Variants in KREMEN1 observed in about 807,000 individuals in gnomAD.
The protein encoded by KREMEN1 is kremen protein 1.
A neutral mutation model predicts 46.5 loss-of-function variants in KREMEN1; 30 were observed. That is an observed-to-expected ratio of 0.65 (90% confidence interval 0.48 to 0.88). The LOEUF (loss-of-function observed/expected upper bound fraction) is 0.88. Among genes scored for constraint, KREMEN1 ranks in the 40% least tolerant of loss-of-function variants. KREMEN1 has a pLI of 0.00. For missense variants in KREMEN1, 533 were observed against 596.9 expected, an observed-to-expected ratio of 0.89 and a Z score of 1.11; for synonymous variants, 214 against 230.6, an observed-to-expected ratio of 0.93 and a Z score of 0.65.
chr22:29,140,353 CA>C lies in KREMEN1; in HGVS notation c.1196del (p.His399ProfsTer58). The C allele has an allele frequency of 6.2e-7, 1 of 1,613,152 alleles. No individual in the cohort carries two copies. Among genetic ancestry groups the C allele is most frequent in the Non-Finnish European group, 8.5e-7 (1 of 1,179,072 alleles). On this transcript the variant is annotated frameshift_variant, in exon 8 of 9. Coordinates refer to ENST00000400335, the MANE Select transcript of KREMEN1 (RefSeq NM_001039570.3). LOFTEE classifies it high-confidence loss of function. The part of the protein sequence containing the change: ...VTAIVAKILL[H>X]VTFKSHRVPA... ...AGCCATTGTAGCAAAGATACTTCTG[CA>C]CGTCACATTCAAGTGAGTACAAGAG...
intron 5 of KREMEN1, among the ~76,000 whole-genome samples, chr22:29,134,667 C>A (rs1029176899): frequency 1.3e-5 from 2 of 152,176 alleles, no homozygotes; most frequent in African/African-American, 4.8e-5. Flanking sequence ...TACACCTGGG[C>A]AGATCTGCAT....
Position 29,145,177 on chromosome 22 carries a change from A to G in KREMEN1, c.*3065A>G. 1.0e-6 allele frequency: 1 copy of G among 985,944 alleles called. No individual in the cohort carries two copies. The highest frequency in any genetic ancestry group is 1.2e-6 in the Non-Finnish European group (1 of 830,172). 61.1% of individuals were successfully genotyped at this position (985,944 alleles called of 1,614,324 possible). Reference sequence around the variant, plus strand: ...CACCTGAGAAAGAAACTGCTCCAGAAGAGATGACGTGGGCTTCCAGGAGCA... The same window carrying G: ...CACCTGAGAAAGAAACTGCTCCAGAGGAGATGACGTGGGCTTCCAGGAGCA... On this transcript the variant is annotated 3_prime_UTR_variant, in exon 9 of 9. Transcript: ENST00000400335.
chr22:29,153,384 GCT>G (rs1164878069), intron 9 of KREMEN1, among the ~76,000 whole-genome samples: 4 of 152,098 alleles, frequency 2.6e-5, no homozygotes, highest in Non-Finnish European at 5.9e-5. Context: ...AGATGGAGTC[GCT>G]CTGTTTCCAT....
At chr22:29,131,770 A>ATATACG (rs775843720) in intron 5 of KREMEN1, among the ~76,000 whole-genome samples, 2 of 129,214 alleles carry the variant, frequency 1.5e-5, no homozygotes, top group African/African-American at 7.2e-5. Flanking sequence ...ATATATATGT[A>ATATACG]TATATATATA....
In KREMEN1 at chr22:29,142,058, G is replaced by T. The variant is rs2038772037; in HGVS notation, c.1323G>T (p.Lys441Asn). 1 of 1,612,776 alleles carries T rather than the reference G, an allele frequency of 6.2e-7. No individual in the cohort carries two copies. Among genetic ancestry groups the T allele is most frequent in the South Asian group, 1.1e-5 (1 of 90,818 alleles). The change falls in exon 9 of 9, where the codon AAG becomes AAT. Residue 441 changes from lysine (K) to asparagine (N), a missense_variant. Coordinates refer to ENST00000400335, the MANE Select transcript of KREMEN1 (RefSeq NM_001039570.3). The stretch of plus-strand genomic sequence containing the variant: ...CCACTTCAATTTCCATCTTTAAGAA[G>T]AAACTCAAGGGTCAGAGTCAACAAG... ...KPSTSISIFK[K>N]KLKGQSQQDD...
intron 1 of KREMEN1, among the ~76,000 whole-genome samples, chr22:29,091,788 T>C (rs1157181237): frequency 2.0e-5 from 3 of 152,192 alleles, no homozygotes; most frequent in African/African-American, 7.2e-5. Flanking sequence ...TAGTAAGTGT[T>C]GTGAAGCAAA....
chr22:29,083,289 A>G (rs1379636305), intron 1 of KREMEN1, among the ~76,000 whole-genome samples: 1 of 152,242 alleles, frequency 6.6e-6, no homozygotes, highest in African/African-American at 2.4e-5. Context: ...AGTAAAATCC[A>G]TCAAGGTGCT....
intron 2 of KREMEN1, among the ~76,000 whole-genome samples, chr22:29,098,651 C>G (rs924857068): frequency 6.6e-6 from 1 of 152,170 alleles, no homozygotes; most frequent in Non-Finnish European, 1.5e-5. Context: ...CTCACTTCCC[C>G]CCAAACTCTG....
chr22:29,086,659 G>A (rs919961421), intron 1 of KREMEN1, among the ~76,000 whole-genome samples: 7 of 152,182 alleles, frequency 4.6e-5, no homozygotes, highest in African/African-American at 1.7e-4. Context: ...GGGCTTCAAA[G>A]TGGTGCAAGT....
chr22:29,140,537 G>A lies in KREMEN1; in HGVS notation c.1208+171G>A, dbSNP rs79715749. 6.9e-3 allele frequency among the ~76,000 whole-genome samples: 1,047 copies of A among 152,334 alleles called. 14 individuals are homozygous for A. Among genetic ancestry groups the A allele is most frequent in the African/African-American group, 0.024 (977 of 41,574 alleles). ...TTCCCCCTTCTTTGTAGAGTGAAAT[G>A]TACAACTGGACAAATCTCATTAAGG... is the stretch of plus-strand genomic sequence containing the variant. On this transcript the variant is annotated intron_variant, in intron 8 of 8. Transcript: ENST00000400335.
chr22:29,081,430 T>C (rs1463015955), intron 1 of KREMEN1, among the ~76,000 whole-genome samples: 1 of 152,228 alleles, frequency 6.6e-6, no homozygotes, highest in Admixed American at 6.5e-5. Context: ...ATGCAATGTT[T>C]AGGAATACTT....
At chr22:29,149,058 C>G (rs143904244), downstream of KREMEN1, among the ~76,000 whole-genome samples, 1,364 of 152,222 alleles carry the variant, frequency 9.0e-3, 14 homozygotes, top group African/African-American at 0.031. Flanking sequence ...AGCATTGCCT[C>G]GACATGGAGT....
rs9620862 is a variant in KREMEN1 at position 29,121,832 on chromosome 22, G to A, written c.477+351G>A. The stretch of plus-strand genomic sequence containing the variant: ...ACTGAAACAGTGAATGTTATGTTAT[G>A]TGAATTACATTTCAGTTTTTAAAAA... On this transcript the variant is annotated intron_variant, in intron 4 of 8. Coordinates refer to ENST00000400335, the MANE Select transcript of KREMEN1 (RefSeq NM_001039570.3). Among the ~76,000 whole-genome samples, 549 of 152,328 alleles carry A rather than the reference G, an allele frequency of 3.6e-3. 1 individual carries two copies. Among genetic ancestry groups the A allele is most frequent in the Non-Finnish European group, 6.2e-3 (423 of 68,030 alleles).
intron 7 of KREMEN1, 149 bp downstream of exon 7, chr22:29,138,931 CT>C: frequency 8.6e-7 from 1 of 1,161,426 alleles, no homozygotes; most frequent in African/African-American, 1.5e-5. Context: ...TCTGTCCTGG[CT>C]TTTGAGGGAA....
chr22:29,105,998 G>A (rs945707005), intron 3 of KREMEN1, among the ~76,000 whole-genome samples: 1 of 152,196 alleles, frequency 6.6e-6, no homozygotes, highest in South Asian at 2.1e-4. Flanking sequence ...GATGTGAAAG[G>A]TTCCCATTAT....
intron 9 of KREMEN1, among the ~76,000 whole-genome samples, chr22:29,152,262 C>T (rs935156176): frequency 6.6e-6 from 1 of 152,144 alleles, no homozygotes; most frequent in Admixed American, 6.6e-5. Flanking sequence ...TGAGCCATCC[C>T]TCTAACCCCC....
chr22:29,153,806 C>A (rs1417658295), intron 9 of KREMEN1, among the ~76,000 whole-genome samples: 2 of 151,962 alleles, frequency 1.3e-5, no homozygotes, highest in Admixed American at 6.6e-5. Context: ...CATGTTGAAA[C>A]CCCGTCTCTA....
chr22:29,103,821 CGTG>C (rs1275992696), intron 3 of KREMEN1, among the ~76,000 whole-genome samples: 2 of 152,114 alleles, frequency 1.3e-5, no homozygotes, highest in African/African-American at 4.8e-5. Flanking sequence ...ACAATAATGG[CGTG>C]GTGGTGAAGT....
downstream of KREMEN1, among the ~76,000 whole-genome samples, chr22:29,150,540 T>G (rs968430486): frequency 6.6e-6 from 1 of 152,206 alleles, no homozygotes; most frequent in Non-Finnish European, 1.5e-5. Context: ...ATTGTCTCTG[T>G]TCAAATGAGG....
Sources: gnomAD v4.1 joint callset for allele counts (sites outside exome capture counted in the v4.1 genomes callset) on GRCh38, gnomAD v4.1.1 for gene constraint, MANE v1.5 for transcripts, NCBI Gene and HGNC (gene_info 2026-07-23, HGNC 2026-07-21) for gene names.